The following MACROD2 variants were observed in gnomAD, a reference collection of about 807,000 sequenced individuals.
MACROD2 encodes mono-ADP ribosylhydrolase 2.
A neutral mutation model predicts 70.4 loss-of-function variants in MACROD2; 36 were observed. The ratio of observed to expected loss-of-function variants is 0.51; its 90% CI spans 0.39 to 0.68. The LOEUF (loss-of-function observed/expected upper bound fraction) is 0.68. MACROD2 is among the 30% of genes least tolerant of loss of function. MACROD2 has a pLI of 0.00. For synonymous variants in MACROD2, 172 were observed against 178.8 expected, an observed-to-expected ratio of 0.96 and a Z score of 0.30; for missense variants, 496 against 538.4, an observed-to-expected ratio of 0.92 and a Z score of 0.78.
At chr20:15,989,670 T>C (rs1200922173) in intron 15 of MACROD2, among the ~76,000 whole-genome samples, 1 of 152,168 alleles carries the variant, frequency 6.6e-6, no homozygotes, top group Non-Finnish European at 1.5e-5. Flanking sequence ...ATTCACAAAA[T>C]AGTGTCTTAA....
rs557015566 is a variant in MACROD2 at position 15,013,701 on chromosome 20, A to C, written c.419-216239A>C. On this transcript the variant is annotated intron_variant, in intron 5 of 17. Transcript: ENST00000684519. ...GGTTGCATTGCAGCTCCCTCTGCCC[A>C]CTCCTGCTTCTGTCCCTTCCCTTCT... Among the ~76,000 whole-genome samples the C allele has an allele frequency of 6.6e-5, 10 of 152,076 alleles. No individual in the cohort carries two copies. In the East Asian group the frequency reaches 1.9e-3, roughly 30 times the overall value.
At chr20:15,570,870 A>G (rs915577248) in intron 8 of MACROD2, among the ~76,000 whole-genome samples, 2 of 152,182 alleles carry the variant, frequency 1.3e-5, no homozygotes, top group Non-Finnish European at 2.9e-5. Flanking sequence ...GGTTGTTGCC[A>G]GATCCACAGA....
chr20:15,675,947 A>T (rs2050051167), intron 8 of MACROD2, among the ~76,000 whole-genome samples: 1 of 152,180 alleles, frequency 6.6e-6, no homozygotes, highest in Admixed American at 6.5e-5. Context: ...CTGTGTATCC[A>T]TGAAGCTTTA....
At chr20:14,148,706 T>TG (rs755523307) in intron 3 of MACROD2, among the ~76,000 whole-genome samples, 3 of 152,242 alleles carry the variant, frequency 2.0e-5, no homozygotes, top group African/African-American at 7.2e-5. Context: ...TGTTGTATTA[T>TG]GCAGAATGTC....
intron 4 of MACROD2, among the ~76,000 whole-genome samples, chr20:14,604,320 G>T (rs1982668717): frequency 6.6e-6 from 1 of 152,200 alleles, no homozygotes. Context: ...CTGTCACACA[G>T]TGTTGCTATG....
chr20:15,991,142 A>G (rs533810022), intron 15 of MACROD2, among the ~76,000 whole-genome samples: 4 of 152,186 alleles, frequency 2.6e-5, no homozygotes, highest in Non-Finnish European at 5.9e-5. Flanking sequence ...GGGGAGGGGA[A>G]TGCCTTTTAG....
At chr20:15,244,032 G>A (rs1024402067) in intron 6 of MACROD2, among the ~76,000 whole-genome samples, 1 of 152,122 alleles carries the variant, frequency 6.6e-6, no homozygotes, top group Non-Finnish European at 1.5e-5. Flanking sequence ...TATTAAATAT[G>A]AAGATAATAA....
chr20:15,110,556 G>C (rs2075946562), intron 5 of MACROD2, among the ~76,000 whole-genome samples: 1 of 152,288 alleles, frequency 6.6e-6, no homozygotes, highest in African/African-American at 2.4e-5. Flanking sequence ...TGTCCTCAAA[G>C]TAAGTGTTTG....
chr20:15,260,387 G>A (rs1324927784), intron 6 of MACROD2, among the ~76,000 whole-genome samples: 1 of 149,834 alleles, frequency 6.7e-6, no homozygotes. Context: ...ACCATGCAAT[G>A]TTTTTCTTTC....
chr20:15,763,958 G>A (rs1225813578), intron 8 of MACROD2, among the ~76,000 whole-genome samples: 1 of 152,194 alleles, frequency 6.6e-6, no homozygotes, highest in Non-Finnish European at 1.5e-5. Context: ...ACTTTGATTT[G>A]AGCTAGATTT....
At chr20:15,671,786 G>A (rs1310836334) in intron 8 of MACROD2, among the ~76,000 whole-genome samples, 2 of 152,218 alleles carry the variant, frequency 1.3e-5, no homozygotes, top group African/African-American at 4.8e-5. Flanking sequence ...GTGCTAACAA[G>A]TGAGGTTGAG....
chr20:15,082,102 A>T (rs1031731551), intron 5 of MACROD2, among the ~76,000 whole-genome samples: 4 of 152,190 alleles, frequency 2.6e-5, no homozygotes, highest in Non-Finnish European at 5.9e-5. Context: ...GTTGTACCTC[A>T]TTCCAGCTCT....
chr20:15,582,143 C>G (rs1036588174), intron 8 of MACROD2, among the ~76,000 whole-genome samples: 1 of 151,850 alleles, frequency 6.6e-6, no homozygotes, highest in Admixed American at 6.6e-5. Flanking sequence ...AAAGTTCTGC[C>G]ACTGCCAGGG....
Position 15,243,759 on chromosome 20 carries a change from CAA to C in MACROD2, c.540+13709_540+13710del, listed in dbSNP as rs11477751. Among the ~76,000 whole-genome samples the C allele has an allele frequency of 2.6e-4, 37 of 142,254 alleles. 1 individual carries two copies. In the East Asian group the frequency reaches 4.2e-3, roughly 16 times the overall value. 93.3% of individuals were successfully genotyped at this position (142,254 alleles called of 152,430 possible). ...TGAAACCCTGTCTCTACTAAAAATA[CAA>C]AAAAAAAAAAGAAAATTAGCGGGGC... On this transcript the variant is annotated intron_variant, in intron 6 of 17. Coordinates refer to ENST00000684519, the MANE Select transcript of MACROD2 (RefSeq NM_001351661.2).
intron 8 of MACROD2, among the ~76,000 whole-genome samples, chr20:15,765,820 C>A (rs1413972394): frequency 2.0e-5 from 3 of 152,132 alleles, no homozygotes; most frequent in African/African-American, 7.2e-5. Flanking sequence ...CCTGCCTTCA[C>A]CCAATGTTGC....
chr20:14,087,960 G>T (rs2054100092), intron 3 of MACROD2, among the ~76,000 whole-genome samples: 1 of 151,268 alleles, frequency 6.6e-6, no homozygotes, highest in South Asian at 2.1e-4. Context: ...ATAAATAAAA[G>T]ATATATATAC....
chr20:15,541,261 C>T (rs998592152), intron 8 of MACROD2, among the ~76,000 whole-genome samples: 4 of 152,098 alleles, frequency 2.6e-5, no homozygotes, highest in Non-Finnish European at 5.9e-5. Context: ...AAAAGAGAGG[C>T]CTTGGGTACA....
chr20:14,915,324 C>T (rs2074078753), intron 5 of MACROD2, among the ~76,000 whole-genome samples: 1 of 152,096 alleles, frequency 6.6e-6, no homozygotes, highest in Non-Finnish European at 1.5e-5. Flanking sequence ...AGATCGCCAC[C>T]AAATAAAGCT....
intron 5 of MACROD2, among the ~76,000 whole-genome samples, chr20:15,058,187 G>A (rs2075502175): frequency 6.6e-6 from 1 of 152,056 alleles, no homozygotes. Flanking sequence ...ACTGAAGTTT[G>A]TGATTTTACT....
Sources: gnomAD v4.1 joint callset for allele counts (sites outside exome capture counted in the v4.1 genomes callset) on GRCh38, gnomAD v4.1.1 for gene constraint, MANE v1.5 for transcripts, NCBI Gene and HGNC (gene_info 2026-07-23, HGNC 2026-07-21) for gene names.